Variants in SLC9A9 observed in about 807,000 individuals in gnomAD.
SLC9A9 encodes the protein solute carrier family 9 member A9.
In SLC9A9, 62 loss-of-function variants were observed where a neutral mutation model predicts 77.8. The ratio of observed to expected loss-of-function variants is 0.80; its 90% confidence interval spans 0.65 to 0.98. SLC9A9 has a LOEUF of 0.98. SLC9A9 is among the 50% of genes least tolerant of loss of function. The probability of loss-of-function intolerance (pLI) is 0.00; values close to 1 mark genes in which losing one functional copy is unlikely to be tolerated. For synonymous variants in SLC9A9, 320 were observed against 283.5 expected (o/e 1.13, Z -1.29); for missense variants, 775 against 774.9 (o/e 1.00, Z 0.00).
At chr3:143,766,763 G>A (rs372287601) in intron 4 of SLC9A9, among the ~76,000 whole-genome samples, 122 of 152,092 alleles carry the variant, frequency 8.0e-4, no homozygotes, top group African/African-American at 2.8e-3. Flanking sequence ...TAGTAGAGAC[G>A]GGGTTTCCCT....
intron 14 of SLC9A9, among the ~76,000 whole-genome samples, chr3:143,342,938 C>T (rs1261498791): frequency 2.6e-5 from 4 of 152,152 alleles, no homozygotes; most frequent in Non-Finnish European, 4.4e-5. Flanking sequence ...TCAAAACAAC[C>T]TCAAATGCTA....
intron 12 of SLC9A9, among the ~76,000 whole-genome samples, chr3:143,434,081 A>T (rs541840456): frequency 6.6e-6 from 1 of 152,292 alleles, no homozygotes; most frequent in South Asian, 2.1e-4. Flanking sequence ...AGTATATGGC[A>T]CATAGTAGCA....
chr3:143,302,941 TAAG>T (rs2030594954), intron 14 of SLC9A9, among the ~76,000 whole-genome samples: 2 of 152,224 alleles, frequency 1.3e-5, no homozygotes, highest in Admixed American at 1.3e-4. Context: ...CCATCTCAGT[TAAG>T]CCCCAGACAT....
chr3:143,756,666 G>C (rs1284795251), intron 4 of SLC9A9, among the ~76,000 whole-genome samples: 3 of 152,206 alleles, frequency 2.0e-5, no homozygotes, highest in African/African-American at 7.2e-5. Flanking sequence ...AATAAATGCA[G>C]ACTGGCTGAA....
At chr3:143,362,727 T>A (rs2032785530) in intron 14 of SLC9A9, among the ~76,000 whole-genome samples, 1 of 152,186 alleles carries the variant, frequency 6.6e-6, no homozygotes, top group Admixed American at 6.5e-5. Flanking sequence ...ACACATTCAA[T>A]TTACAGTGCC....
chr3:143,500,648 T>C (rs1284861638), intron 9 of SLC9A9, among the ~76,000 whole-genome samples: 1 of 152,132 alleles, frequency 6.6e-6, no homozygotes, highest in Non-Finnish European at 1.5e-5. Flanking sequence ...CCTAGCTAGC[T>C]CTTCTTGTAT....
At chr3:143,835,081 T>C (rs533619151) in intron 1 of SLC9A9, among the ~76,000 whole-genome samples, 1 of 152,298 alleles carries the variant, frequency 6.6e-6, no homozygotes, top group South Asian at 2.1e-4. Context: ...AAACTTTTCC[T>C]AGAATTGCAC....
At chr3:143,696,846 G>A (rs1270398888) in intron 4 of SLC9A9, among the ~76,000 whole-genome samples, 1 of 152,044 alleles carries the variant, frequency 6.6e-6, no homozygotes, top group Non-Finnish European at 1.5e-5. Flanking sequence ...GAAACTAGAA[G>A]CCTCATATAC....
chr3:143,684,132 C>G (rs1933188500), intron 5 of SLC9A9, among the ~76,000 whole-genome samples: 1 of 152,020 alleles, frequency 6.6e-6, no homozygotes, highest in Admixed American at 6.6e-5. Flanking sequence ...TGTCCCACAC[C>G]ACGAACAGTG....
intron 14 of SLC9A9, among the ~76,000 whole-genome samples, chr3:143,277,858 G>A (rs775000819): frequency 1.1e-4 from 17 of 152,128 alleles, no homozygotes; most frequent in East Asian, 1.9e-4. Context: ...GTGCTCCTCC[G>A]TTCCAAGTCT....
chr3:143,827,089 T>C (rs2009318816), intron 2 of SLC9A9, among the ~76,000 whole-genome samples: 1 of 152,246 alleles, frequency 6.6e-6, no homozygotes, highest in African/African-American at 2.4e-5. Context: ...TATTTTATCA[T>C]CTTCTCTTCA....
chr3:143,427,495 C>T (rs1261924325), intron 12 of SLC9A9, among the ~76,000 whole-genome samples: 2 of 152,164 alleles, frequency 1.3e-5, no homozygotes, highest in Non-Finnish European at 2.9e-5. Context: ...GTATCCTATC[C>T]TTTTACAAAG....
intron 9 of SLC9A9, among the ~76,000 whole-genome samples, chr3:143,501,306 G>A (rs2035919918): frequency 6.6e-6 from 1 of 150,604 alleles, no homozygotes; most frequent in African/African-American, 2.5e-5. Flanking sequence ...AGAAATAAAG[G>A]ATAAATCTAG....
intron 12 of SLC9A9, among the ~76,000 whole-genome samples, chr3:143,437,950 G>A (rs1401649602): frequency 2.0e-5 from 3 of 152,126 alleles, no homozygotes; most frequent in Non-Finnish European, 2.9e-5. Flanking sequence ...ATTATAGAGG[G>A]GAGTTGTTAG....
chr3:143,310,414 C>G (rs1284292254), intron 14 of SLC9A9, among the ~76,000 whole-genome samples: 1 of 151,862 alleles, frequency 6.6e-6, no homozygotes, highest in Non-Finnish European at 1.5e-5. Context: ...TCACGTAAAT[C>G]TGGGGCTGCT....
intron 6 of SLC9A9, among the ~76,000 whole-genome samples, chr3:143,611,024 A>G (rs1432697054): frequency 6.6e-6 from 1 of 152,184 alleles, no homozygotes; most frequent in East Asian, 1.9e-4. Context: ...AGGTGCCAAA[A>G]AAAACTTCCA....
chr3:143,347,856 C>T (rs1475320423), intron 14 of SLC9A9, among the ~76,000 whole-genome samples: 2 of 151,908 alleles, frequency 1.3e-5, no homozygotes, highest in Admixed American at 1.3e-4. Context: ...ACGGGGGATG[C>T]CATTAGAAAA....
At chr3:143,795,200 G>C in intron 3 of SLC9A9, 123 bp from the exon 4 acceptor site, 1 of 705,146 alleles carries the variant, frequency 1.4e-6, no homozygotes, top group Non-Finnish European at 2.4e-6. Flanking sequence ...TGGTTTTGGA[G>C]CCTCGTTCCT....
chr3:143,451,164 T>TAA (rs199893171), intron 12 of SLC9A9, among the ~76,000 whole-genome samples: 5 of 145,100 alleles, frequency 3.4e-5, no homozygotes, highest in African/African-American at 1.3e-4. Context: ...AGAGTGTTAT[T>TAA]AAAAAAAAAA....
Sources: gnomAD v4.1 joint callset for allele counts (sites outside exome capture counted in the v4.1 genomes callset) on GRCh38, gnomAD v4.1.1 for gene constraint, MANE v1.5 for transcripts, NCBI Gene and HGNC (gene_info 2026-07-23, HGNC 2026-07-21) for gene names.